GOLGA2: variants seen among roughly 807,000 people sequenced by gnomAD.
GOLGA2 encodes golgin A2, also known as golgin subfamily A member 2.
Under a neutral mutation model 148.8 loss-of-function variants are expected in GOLGA2, and 49 were observed. The ratio of observed to expected loss-of-function variants is 0.33; its 90% CI spans 0.26 to 0.42. GOLGA2 has a LOEUF of 0.42. Ranked by LOEUF, GOLGA2 falls within the 10% of genes least tolerant of loss-of-function variation. The probability of loss-of-function intolerance (pLI) is 1.00; values close to 1 mark genes in which losing one functional copy is unlikely to be tolerated. For synonymous variants in GOLGA2, 501 were observed against 511.8 expected (o/e 0.98, Z 0.28); for missense variants, 1,178 against 1,304.6 (o/e 0.90, Z 1.49).
intron 1 of GOLGA2, 48 bp downstream of exon 1, chr9:128,275,845 G>C (rs929517225): frequency 1.0e-6 from 1 of 979,754 alleles, no homozygotes; most frequent in African/African-American, 1.6e-5. Context: ...CCTGCCATCG[G>C]AGTGGGGCTG....
Position 128,258,709 on chromosome 9 carries a change from A to G in GOLGA2, c.2174-139T>C. 1 of 679,328 alleles carries G rather than the reference A, an allele frequency of 1.5e-6. No homozygotes were observed. The highest frequency in any genetic ancestry group is 2.5e-6 in the Non-Finnish European group (1 of 407,252). 42.1% of individuals were successfully genotyped at this position (679,328 alleles called of 1,614,324 possible). A position where few individuals can be genotyped will look rare whatever the true frequency, so the allele number is the denominator to read the frequency against. ...AGCATCTGTTCTTTATTTTTATTTT[A>G]TTCTTTTTTAAGAGCCAAGGGCTCG... On this transcript the variant is annotated intron_variant, in intron 21 of 26. Transcript: ENST00000611957. The surrounding 1 kb of genome is among the most constrained non-coding windows in gnomAD (Gnocchi z 6.6).
chr9:128,275,572 G>A, intron 1 of GOLGA2: 13 of 1,139,494 alleles, frequency 1.1e-5, no homozygotes, highest in Non-Finnish European at 1.5e-5. Flanking sequence ...GGGCTGAATT[G>A]CTGGGGTCCT....
At chr9:128,263,450 C>T (rs1283344656) in intron 12 of GOLGA2, among the ~76,000 whole-genome samples, 1 of 151,996 alleles carries the variant, frequency 6.6e-6, no homozygotes, top group Non-Finnish European at 1.5e-5. Context: ...GAGATGGAGT[C>T]TCTGTTGCCC....
chr9:128,257,307 T>C lies in GOLGA2; in HGVS notation c.2876-26A>G, dbSNP rs1220566712. On this transcript the variant is annotated intron_variant, in intron 26 of 26. Coordinates refer to ENST00000611957, the MANE Select transcript of GOLGA2 (RefSeq NM_001366244.2). The surrounding 1 kb of genome is among the most constrained non-coding windows in gnomAD (Gnocchi z 8.0). Reference sequence around the variant, plus strand: ...CTTTGGAGAGAGAGAGGCAGGGCTCTGAGTGCCACGCGAGCCCTCCCTTAC... The same window carrying C: ...CTTTGGAGAGAGAGAGGCAGGGCTCCGAGTGCCACGCGAGCCCTCCCTTAC... 1.9e-6 allele frequency: 3 copies of C among 1,611,786 alleles called. No individual in the cohort carries two copies. The highest frequency in any genetic ancestry group is 2.7e-5 in the African/African-American group (2 of 74,876).
In GOLGA2 at chr9:128,259,408, G is replaced by A. The variant is rs1345450308; in HGVS notation, c.1873-17C>T. On this transcript the variant is annotated splice_polypyrimidine_tract_variant and intron_variant, in intron 19 of 26. Coordinates refer to ENST00000611957, the MANE Select transcript of GOLGA2 (RefSeq NM_001366244.2). ...CAGCTCCACCTGTAGGAAGACCCTG[G>A]GCGTGAGGGCAGGTGGTGGCCTGCT... is the stretch of plus-strand genomic sequence containing the variant. 4 of 1,508,338 alleles carry A rather than the reference G, an allele frequency of 2.7e-6. No homozygotes were observed. Among genetic ancestry groups the A allele is most frequent in the Non-Finnish European group, 2.7e-6 (3 of 1,106,918 alleles). The allele number at this position is 1,508,338 out of a possible 1,614,324, so 93.4% of individuals were successfully genotyped here. A position where few individuals can be genotyped will look rare whatever the true frequency, so the allele number is the denominator to read the frequency against.
In GOLGA2 at chr9:128,260,741, C is replaced by T. The variant is rs368123013; in HGVS notation, c.1482G>A (p.Ala494=). 49 of 1,612,922 alleles carry T rather than the reference C, an allele frequency of 3.0e-5. No homozygotes were observed. The highest frequency in any genetic ancestry group is 6.7e-5 in the Admixed American group (4 of 59,992). The change falls in exon 18 of 27, where the codon GCG becomes GCA. Residue 494 remains alanine (A), a synonymous_variant. Transcript: ENST00000611957. The surrounding 1 kb of genome is among the most constrained non-coding windows in gnomAD (Gnocchi z 4.8). ...GCTCCTTCCGCAGGTGCTCAGCCTC[C>T]GCTTGTAGCTGCTGCTCCACCTCGG... is the stretch of plus-strand genomic sequence containing the variant. ...GPSEVEQQLQ[A]EAEHLRKELE...
intron 3 of GOLGA2, among the ~76,000 whole-genome samples, chr9:128,270,595 T>C (rs568001830): frequency 1.3e-5 from 2 of 152,272 alleles, no homozygotes; most frequent in South Asian, 4.1e-4. Flanking sequence ...TCTCTCTCCA[T>C]TATTCCCTAC....
At position 128,268,502 on chromosome 9, in the gene GOLGA2, G is replaced by A; in HGVS notation, c.311C>T (p.Thr104Ile). 6.2e-7 allele frequency: 1 copy of A among 1,609,674 alleles called. No homozygotes were observed. Among genetic ancestry groups the A allele is most frequent in the Non-Finnish European group, 8.5e-7 (1 of 1,176,912 alleles). Residue 104 changes from threonine to isoleucine, a missense_variant, in exon 4 of 27, where the codon ACT becomes ATT. Around this residue, in one of 5 missense-constraint regions of GOLGA2, gnomAD observed 158 missense variants for 156.6 expected, o/e 1.01. Coordinates refer to ENST00000611957, the MANE Select transcript of GOLGA2 (RefSeq NM_001366244.2). The part of the protein sequence containing the change: ...KWKTPKDNAA[T>I]LQPSDDTVLP... ...CACGGTGTCATCAGATGGTTGTAGA[G>A]TAGCAGCATTGTCCTTGGGTGTCTG... is the stretch of plus-strand genomic sequence containing the variant.
rs1830164366 is a variant in GOLGA2 at position 128,260,159 on chromosome 9, G to A, written c.1789C>T (p.Leu597=). ...CTCTTGACGTGCTGCTCCGACTGCAGTGCGCTGGTGATCTCCATGTTCTCA... is the reference window on the plus strand; with the variant it reads ...CTCTTGACGTGCTGCTCCGACTGCAATGCGCTGGTGATCTCCATGTTCTCA... ...TNENMEITSA[L]QSEQHVKREL... is the part of the protein sequence containing the mutation. Residue 597 remains leucine (L), a synonymous_variant, in exon 19 of 27, where the codon CTG becomes TTG. Coordinates refer to ENST00000611957, the MANE Select transcript of GOLGA2 (RefSeq NM_001366244.2). This position sits in a 1 kb window ranked among gnomAD's most constrained non-coding sequence, Gnocchi z 4.8. 5 of 1,609,340 alleles carry A rather than the reference G, an allele frequency of 3.1e-6. No homozygotes were observed. Among genetic ancestry groups the A allele is most frequent in the African/African-American group, 2.7e-5 (2 of 74,912 alleles).
chr9:128,266,663 C>T lies in GOLGA2; in HGVS notation c.643-338G>A. ...TCATTCAACAAACATTTGCTGAGCACACACAGGCCAGGTACGGTTCTTAAT... is the reference window on the plus strand; with the variant it reads ...TCATTCAACAAACATTTGCTGAGCATACACAGGCCAGGTACGGTTCTTAAT... On this transcript the variant is annotated intron_variant, in intron 8 of 26. Transcript: ENST00000611957. This position sits in a 1 kb window ranked among gnomAD's most constrained non-coding sequence, Gnocchi z 4.2. The T allele has an allele frequency of 2.2e-6, 1 of 455,174 alleles. No individual in the cohort carries two copies. Among genetic ancestry groups the T allele is most frequent in the African/African-American group, 2.0e-5 (1 of 50,326 alleles). The allele number at this position is 455,174 out of a possible 1,614,324, so 28.2% of individuals were successfully genotyped here.
At position 128,257,892 on chromosome 9, in the gene GOLGA2, T is replaced by C. The variant is rs758406523; in HGVS notation, c.2509A>G (p.Ser837Gly). The change falls in exon 24 of 27, where the codon AGC (serine) becomes GGC (glycine). Residue 837 changes from serine to glycine, a missense_variant and splice_region_variant. By Grantham distance (56) the Ser-to-Gly change is moderately conservative. Around this residue, in one of 5 missense-constraint regions of GOLGA2, gnomAD observed 529 missense variants for 521.8 expected, o/e 1.01. Coordinates refer to ENST00000611957, the MANE Select transcript of GOLGA2 (RefSeq NM_001366244.2). The surrounding 1 kb of genome is among the most constrained non-coding windows in gnomAD (Gnocchi z 8.0). ...TCCTGCATGAGCTCCATAAAGCGGC[T>C]CTGGAACCAAAATAATGGAGTCATA... The part of the protein sequence containing the change: ...ALQGAMEKLQ[S>G]RFMELMQEKA... The C allele has an allele frequency of 1.9e-6, 3 of 1,613,992 alleles. No homozygotes were observed. The highest frequency in any genetic ancestry group is 2.5e-6 in the Non-Finnish European group (3 of 1,179,874).
At chr9:128,267,308 G>C in intron 7 of GOLGA2, 34 bp from the exon 8 acceptor site, 1 of 1,492,394 alleles carries the variant, frequency 6.7e-7, no homozygotes, top group Non-Finnish European at 9.4e-7. Context: ...AGTTGGAGGA[G>C]GATTGGGGGG....
chr9:128,271,170 TG>T lies in GOLGA2; in HGVS notation c.288+1614del, dbSNP rs1270468412. Among the ~76,000 whole-genome samples the T allele has an allele frequency of 1.3e-5, 2 of 152,198 alleles. No individual in the cohort carries two copies. Among genetic ancestry groups the T allele is most frequent in the Non-Finnish European group, 2.9e-5 (2 of 68,022 alleles). On this transcript the variant is annotated intron_variant, in intron 3 of 26. Transcript: ENST00000611957. This position sits in a 1 kb window ranked among gnomAD's most constrained non-coding sequence, Gnocchi z 4.4. ...ACAGGCTGAAGACCCCCTAATCCAC[TG>T]GACCATTGGCAGAGCAAAAGCCAAA...
chr9:128,260,714 C>T lies in GOLGA2; in HGVS notation c.1509G>A (p.Leu503=). The change falls in exon 18 of 27, where the codon CTG becomes CTA. Residue 503 remains leucine (L), a synonymous_variant. Transcript: ENST00000611957. This position sits in a 1 kb window ranked among gnomAD's most constrained non-coding sequence, Gnocchi z 4.8. ...CTTGAAGCTGTCCTGCCAGACCCTC[C>T]AGCTCCTTCCGCAGGTGCTCAGCCT... ...QAEAEHLRKE[L]EGLAGQLQAQ... The T allele has an allele frequency of 1.9e-6, 3 of 1,613,500 alleles. No individual in the cohort carries two copies. The highest frequency in any genetic ancestry group is 1.7e-6 in the Non-Finnish European group (2 of 1,179,910).
In GOLGA2 at chr9:128,267,887, T is replaced by C. The variant is rs535247687; in HGVS notation, c.501+47A>G. The C allele has an allele frequency of 4.6e-5, 64 of 1,399,206 alleles. 1 individual carries two copies. The South Asian group carries it at 7.1e-4, about 15-fold the overall frequency. The allele number at this position is 1,399,206 out of a possible 1,614,324, so 86.7% of individuals were successfully genotyped here. A position where few individuals can be genotyped will look rare whatever the true frequency, so the allele number is the denominator to read the frequency against. On this transcript the variant is annotated intron_variant, in intron 6 of 26. Coordinates refer to ENST00000611957, the MANE Select transcript of GOLGA2 (RefSeq NM_001366244.2). ...TGAATCCCTGCTTCAGTTTCTATCA[T>C]AGTTCCCTTCCCCCCACCCCGCTCT...
intron 12 of GOLGA2, among the ~76,000 whole-genome samples, chr9:128,265,182 C>T (rs1830516730): frequency 6.6e-6 from 1 of 152,224 alleles, no homozygotes. Context: ...CATGCAGACA[C>T]GTTTTATGTA....
rs1450991435 is a variant in GOLGA2, at chr9:128,258,522, T to A, written c.2222A>T (p.Glu741Val). Residue 741 changes from glutamate (E) to valine (V), a missense_variant, in exon 22 of 27, where the codon GAG becomes GTG. Coordinates refer to ENST00000611957, the MANE Select transcript of GOLGA2 (RefSeq NM_001366244.2). The surrounding 1 kb of genome is among the most constrained non-coding windows in gnomAD (Gnocchi z 6.6). ...EEEEDEEEEE[E>V]EAVAVPQPMP... ...GGGCTGAGGTACTGCCACCGCCTCC[T>A]CCTCCTCCTCCTCCTCATCCTCCTC... The A allele has an allele frequency of 6.7e-7, 1 of 1,484,600 alleles. No homozygotes were observed. The highest frequency in any genetic ancestry group is 9.0e-7 in the Non-Finnish European group (1 of 1,116,166). The allele number at this position is 1,484,600 out of a possible 1,614,324, so 92.0% of individuals were successfully genotyped here.
At chr9:128,275,770 C>G in intron 1 of GOLGA2, 123 bp downstream of exon 1, 1 of 607,718 alleles carries the variant, frequency 1.6e-6, no homozygotes, top group South Asian at 2.2e-5. Context: ...GTGGAGGGAG[C>G]CCGGACGCGC....
In GOLGA2 at chr9:128,257,160, G is replaced by T; in HGVS notation, c.2997C>A (p.Asn999Lys). ...TGCCCAAGCCTGGGCGCTCCCGGGGGTTCTGCATCTCACGAAGCAGCTGCA... is the reference window on the plus strand; with the variant it reads ...TGCCCAAGCCTGGGCGCTCCCGGGGTTTCTGCATCTCACGAAGCAGCTGCA... ...QIMQLLREMQ[N>K]PRERPGLGSN... is the part of the protein sequence containing the mutation. The change falls in exon 27 of 27, where the codon AAC (asparagine) becomes AAA (lysine). Residue 999 changes from asparagine to lysine, a missense_variant. Asn to Lys is a moderately conservative substitution (Grantham distance 94, BLOSUM62 0). Coordinates refer to ENST00000611957, the MANE Select transcript of GOLGA2 (RefSeq NM_001366244.2). The surrounding 1 kb of genome is among the most constrained non-coding windows in gnomAD (Gnocchi z 8.0). The T allele has an allele frequency of 6.2e-7, 1 of 1,614,132 alleles. No homozygotes were observed. Among genetic ancestry groups the T allele is most frequent in the South Asian group, 1.1e-5 (1 of 91,082 alleles).
Sources: gnomAD v4.1 joint callset for allele counts (sites outside exome capture counted in the v4.1 genomes callset) on GRCh38, gnomAD v4.1.1 for gene constraint, gnomAD v4.1.1 regional missense constraint, Gnocchi (gnomAD v3.1) non-coding constraint, MANE v1.5 for transcripts, NCBI Gene and HGNC (gene_info 2026-07-23, HGNC 2026-07-21) for gene names.